Variants in GPC5 observed in about 807,000 individuals in gnomAD.
GPC5 encodes glypican-5.
A neutral mutation model predicts 53.9 loss-of-function variants in GPC5; 47 were observed. The ratio of observed to expected loss-of-function variants is 0.87; its 90% CI spans 0.69 to 1.11. The LOEUF (loss-of-function observed/expected upper bound fraction) is 1.11. Ranked by LOEUF, GPC5 falls within the 50% of genes most tolerant of loss-of-function variation. The probability of loss-of-function intolerance (pLI) is 0.00; values close to 1 mark genes in which losing one functional copy is unlikely to be tolerated. For missense variants in GPC5, 748 were observed against 713.1 expected, an observed-to-expected ratio of 1.05 and a Z score of -0.56; for synonymous variants, 286 against 263.3, an observed-to-expected ratio of 1.09 and a Z score of -0.84.
At chr13:92,298,289 G>A (rs1212100310) in intron 7 of GPC5, among the ~76,000 whole-genome samples, 1 of 152,164 alleles carries the variant, frequency 6.6e-6, no homozygotes, top group Non-Finnish European at 1.5e-5. Flanking sequence ...TCCTTCCCCT[G>A]ACTGTGGATT....
chr13:92,158,322 T>A lies in GPC5; in HGVS notation c.1561+13333T>A, dbSNP rs183529288. 5.5e-4 allele frequency among the ~76,000 whole-genome samples: 84 copies of A among 152,292 alleles called. 1 individual carries two copies. The highest frequency in any genetic ancestry group is 1.9e-3 in the African/African-American group (79 of 41,582). On this transcript the variant is annotated intron_variant, in intron 7 of 7. Coordinates refer to ENST00000377067, the MANE Select transcript of GPC5 (RefSeq NM_004466.6). Reference sequence around the variant, plus strand: ...TGTCCTATAGAGCCGTTTAGACTTATTCTGAAAAGAATGGATTTATTCAAC... The same window carrying A: ...TGTCCTATAGAGCCGTTTAGACTTAATCTGAAAAGAATGGATTTATTCAAC...
At chr13:92,404,460 A>G (rs965195426) in intron 7 of GPC5, among the ~76,000 whole-genome samples, 1 of 152,214 alleles carries the variant, frequency 6.6e-6, no homozygotes, top group African/African-American at 2.4e-5. Context: ...ACAAAATTGG[A>G]CAAAAGCAAG....
chr13:91,558,533 G>T (rs896997246), intron 2 of GPC5, among the ~76,000 whole-genome samples: 1 of 152,060 alleles, frequency 6.6e-6, no homozygotes, highest in African/African-American at 2.4e-5. Context: ...AGGAAGAAGG[G>T]ACTTTGTTCT....
chr13:91,954,182 C>T (rs973598903), intron 6 of GPC5, among the ~76,000 whole-genome samples: 6 of 152,124 alleles, frequency 3.9e-5, no homozygotes, highest in Admixed American at 2.0e-4. Context: ...ACATCGTTCT[C>T]ATACCAAGTA....
At position 92,429,699 on chromosome 13, in the gene GPC5, G is replaced by A. The variant is rs191500145; in HGVS notation, c.1561+284710G>A. ...TTATATAAAAATCTAGAATTTGGATGTATATTTATTTGCAAAGATGTGTAT... is the reference window on the plus strand; with the variant it reads ...TTATATAAAAATCTAGAATTTGGATATATATTTATTTGCAAAGATGTGTAT... On this transcript the variant is annotated intron_variant, in intron 7 of 7. Coordinates refer to ENST00000377067, the MANE Select transcript of GPC5 (RefSeq NM_004466.6). 9.2e-5 allele frequency among the ~76,000 whole-genome samples: 14 copies of A among 152,056 alleles called. No homozygotes were observed. The East Asian group carries it at 1.9e-3, about 21-fold the overall frequency.
At chr13:91,606,740 C>T (rs573599117) in intron 2 of GPC5, among the ~76,000 whole-genome samples, 85 of 151,680 alleles carry the variant, frequency 5.6e-4, no homozygotes, top group Admixed American at 5.2e-4. Flanking sequence ...AGTTTATTTG[C>T]GTAGAGGTGT....
Position 91,949,987 on chromosome 13 carries a change from T to A in GPC5, c.1401+41930T>A, listed in dbSNP as rs186369513. 1.1e-4 allele frequency among the ~76,000 whole-genome samples: 17 copies of A among 152,342 alleles called. No individual in the cohort carries two copies. The East Asian group carries it at 3.3e-3, about 29-fold the overall frequency. Reference sequence around the variant, plus strand: ...TGGACTGAACTAGGAGAAGAGCCTTTGTTTAGACCGCATGCTGAGGTCTAG... The same window carrying A: ...TGGACTGAACTAGGAGAAGAGCCTTAGTTTAGACCGCATGCTGAGGTCTAG... On this transcript the variant is annotated intron_variant, in intron 6 of 7. Coordinates refer to ENST00000377067, the MANE Select transcript of GPC5 (RefSeq NM_004466.6).
intron 5 of GPC5, among the ~76,000 whole-genome samples, chr13:91,786,761 G>A (rs1328159594): frequency 6.6e-6 from 1 of 152,016 alleles, no homozygotes; most frequent in Non-Finnish European, 1.5e-5. Context: ...AAGTTCATTT[G>A]TTTTTACATT....
chr13:91,949,637 C>A (rs1407831912), intron 6 of GPC5, among the ~76,000 whole-genome samples: 3 of 152,034 alleles, frequency 2.0e-5, no homozygotes, highest in Admixed American at 1.3e-4. Flanking sequence ...TAATAGAAAG[C>A]AAGTGAAATG....
At chr13:91,881,737 T>C (rs907511935) in intron 5 of GPC5, among the ~76,000 whole-genome samples, 2 of 152,182 alleles carry the variant, frequency 1.3e-5, no homozygotes. Context: ...TCAACATAAG[T>C]GAATGTAGGT....
intron 2 of GPC5, among the ~76,000 whole-genome samples, chr13:91,523,478 A>G (rs1488717818): frequency 1.3e-5 from 2 of 152,216 alleles, no homozygotes; most frequent in African/African-American, 4.8e-5. Context: ...CACCACGGAG[A>G]GACAAATACT....
chr13:92,855,032 C>A lies in GPC5; in HGVS notation c.1562-11250C>A, dbSNP rs535114200. On this transcript the variant is annotated intron_variant, in intron 7 of 7. Coordinates refer to ENST00000377067, the MANE Select transcript of GPC5 (RefSeq NM_004466.6). ...GTGGTTTCAGGTCTAACATTTAAAT[C>A]TTTAAAAGAAAGCATATAAATGCAA... is the stretch of plus-strand genomic sequence containing the variant. 3.4e-3 allele frequency among the ~76,000 whole-genome samples: 510 copies of A among 152,020 alleles called. 1 individual carries two copies. The highest frequency in any genetic ancestry group is 5.4e-3 in the South Asian group (26 of 4,822).
intron 2 of GPC5, among the ~76,000 whole-genome samples, chr13:91,568,004 A>C (rs745725052): frequency 1.4e-4 from 21 of 152,074 alleles, no homozygotes; most frequent in Non-Finnish European, 2.9e-4. Flanking sequence ...TGGTTTTATA[A>C]GTGTTTGACA....
At chr13:92,370,017 TG>T (rs1392522323) in intron 7 of GPC5, among the ~76,000 whole-genome samples, 3 of 152,332 alleles carry the variant, frequency 2.0e-5, no homozygotes, top group African/African-American at 7.2e-5. Flanking sequence ...CTCCTTAAAT[TG>T]CTCCTTCTCT....
chr13:91,607,084 T>G (rs2033393666), intron 2 of GPC5, among the ~76,000 whole-genome samples: 1 of 152,190 alleles, frequency 6.6e-6, no homozygotes, highest in South Asian at 2.1e-4. Context: ...CTTTCTCTTG[T>G]GGAGAGTCAT....
intron 7 of GPC5, among the ~76,000 whole-genome samples, chr13:92,394,430 A>T (rs1222231292): frequency 6.6e-6 from 1 of 151,816 alleles, no homozygotes; most frequent in Non-Finnish European, 1.5e-5. Flanking sequence ...GTGCCCTAAT[A>T]AAAAAAAGAC....
At chr13:92,857,111 G>T (rs1400627965) in intron 7 of GPC5, among the ~76,000 whole-genome samples, 1 of 152,012 alleles carries the variant, frequency 6.6e-6, no homozygotes, top group Non-Finnish European at 1.5e-5. Context: ...CATGGTACCG[G>T]TACAAAAACA....
rs192544558 is a variant in GPC5 at position 91,726,861 on chromosome 13, G to A, written c.1021-1671G>A. ...TTTTCTCATGTGGAAATCTGAAGCA[G>A]CGCTTTCCCTGCTTGGAAGCTTTTG... On this transcript the variant is annotated intron_variant, in intron 3 of 7. Coordinates refer to ENST00000377067, the MANE Select transcript of GPC5 (RefSeq NM_004466.6). 1.2e-4 allele frequency among the ~76,000 whole-genome samples: 18 copies of A among 152,300 alleles called. No individual in the cohort carries two copies. The East Asian group carries it at 1.7e-3, about 15-fold the overall frequency.
chr13:92,586,966 G>GTTCA (rs149952774), intron 7 of GPC5, among the ~76,000 whole-genome samples: 1 of 150,670 alleles, frequency 6.6e-6, no homozygotes, highest in African/African-American at 2.4e-5. Flanking sequence ...ACACACACGC[G>GTTCA]CACACACACA....
Sources: allele counts gnomAD v4.1 joint callset (sites outside exome capture counted in the v4.1 genomes callset), GRCh38; gene constraint gnomAD v4.1.1; transcripts MANE v1.5; gene names NCBI Gene and HGNC (gene_info 2026-07-23, HGNC 2026-07-21).